PDE4D: variants seen among roughly 807,000 people sequenced by gnomAD.
The protein encoded by PDE4D is phosphodiesterase 4D, also known as 3',5'-cyclic-AMP phosphodiesterase 4D.
A neutral mutation model predicts 87.4 loss-of-function variants in PDE4D; 24 were observed. The ratio of observed to expected loss-of-function variants is 0.27; its 90% CI spans 0.20 to 0.39. The LOEUF (loss-of-function observed/expected upper bound fraction) is 0.39. PDE4D is among the 10% of genes least tolerant of loss of function. The pLI is 1.00. For synonymous variants in PDE4D, 384 were observed against 383.2 expected, an observed-to-expected ratio of 1.00 and a Z score of -0.02; for missense variants, 714 against 1,041.0, an observed-to-expected ratio of 0.69 and a Z score of 4.32.
intron 1 of PDE4D, among the ~76,000 whole-genome samples, chr5:59,303,579 T>C (rs1016222287): frequency 3.9e-5 from 6 of 152,084 alleles, no homozygotes; most frequent in African/African-American, 7.2e-5. Context: ...CGGTGAGAGA[T>C]AGGATCTAGT....
intron 2 of PDE4D, among the ~76,000 whole-genome samples, chr5:60,093,966 G>GT (rs1334572869): frequency 6.6e-6 from 1 of 152,066 alleles, no homozygotes; most frequent in Non-Finnish European, 1.5e-5. Flanking sequence ...TAAGTTTTGA[G>GT]TTTTTTCCTA....
At chr5:59,839,943 T>C (rs988347055) in intron 1 of PDE4D, among the ~76,000 whole-genome samples, 1 of 152,050 alleles carries the variant, frequency 6.6e-6, no homozygotes, top group Non-Finnish European at 1.5e-5. Flanking sequence ...AGATGGGTAT[T>C]GAAATACTGT....
At position 60,190,899 on chromosome 5, in the gene PDE4D, T is replaced by C. The variant is rs74407247; in HGVS notation, c.-89-5212A>G. On this transcript the variant is annotated intron_variant, in intron 1 of 16. Coordinates refer to the PDE4D transcript ENST00000502484. ...ATGTGTTTCAACTAGAAGAGTCAAG[T>C]GATCTGTGATTTGCATGCTTAATTT... Among the ~76,000 whole-genome samples the C allele has an allele frequency of 3.6e-4, 55 of 152,298 alleles. 1 individual carries two copies. The East Asian group carries it at 0.01, about 28-fold the overall frequency.
At chr5:59,981,476 A>G (rs1761928656) in intron 3 of PDE4D, among the ~76,000 whole-genome samples, 1 of 152,194 alleles carries the variant, frequency 6.6e-6, no homozygotes, top group Admixed American at 6.5e-5. Flanking sequence ...CTTCAAGATT[A>G]TTGGAAGTAT....
At chr5:59,351,011 C>T (rs1363083981) in intron 1 of PDE4D, among the ~76,000 whole-genome samples, 1 of 151,974 alleles carries the variant, frequency 6.6e-6, no homozygotes, top group African/African-American at 2.4e-5. Flanking sequence ...AGAGTGGTAC[C>T]AATGATGATA....
intron 2 of PDE4D, among the ~76,000 whole-genome samples, chr5:60,119,418 C>T (rs1411487249): frequency 6.6e-6 from 1 of 152,158 alleles, no homozygotes; most frequent in Non-Finnish European, 1.5e-5. Context: ...ATCTTTCCTC[C>T]AGTGAATGTG....
intron 2 of PDE4D, among the ~76,000 whole-genome samples, chr5:59,203,650 T>C (rs750729364): frequency 2.6e-5 from 4 of 151,324 alleles, no homozygotes; most frequent in African/African-American, 9.8e-5. Context: ...CACACTAGAA[T>C]CCTACTCAGG....
chr5:59,683,979 C>A (rs1158710216), intron 1 of PDE4D, among the ~76,000 whole-genome samples: 1 of 152,124 alleles, frequency 6.6e-6, no homozygotes. Context: ...TGGCTTTAGG[C>A]CAATTTTGCA....
At chr5:60,158,795 T>C (rs970099760) in intron 2 of PDE4D, among the ~76,000 whole-genome samples, 4 of 152,134 alleles carry the variant, frequency 2.6e-5, no homozygotes, top group African/African-American at 4.8e-5. Context: ...GGTCTGGATC[T>C]CCTGACCTCG....
At chr5:59,687,308 A>T (rs2150386571) in intron 1 of PDE4D, among the ~76,000 whole-genome samples, 1 of 152,276 alleles carries the variant, frequency 6.6e-6, no homozygotes, top group African/African-American at 2.4e-5. Context: ...GAAGGAAAAA[A>T]TGTTAAGGGC....
At chr5:59,164,216 T>A (rs574798498) in intron 5 of PDE4D, among the ~76,000 whole-genome samples, 8 of 152,326 alleles carry the variant, frequency 5.3e-5, no homozygotes, top group African/African-American at 1.9e-4. Context: ...TAGTTTCTTG[T>A]GAACACAGAC....
chr5:59,258,224 A>T (rs1761341221), intron 1 of PDE4D, among the ~76,000 whole-genome samples: 1 of 151,902 alleles, frequency 6.6e-6, no homozygotes, highest in Non-Finnish European at 1.5e-5. Context: ...GACCACTCCA[A>T]CTAAAGTACA....
chr5:59,491,798 C>T (rs1050387256), intron 1 of PDE4D, among the ~76,000 whole-genome samples: 5 of 152,090 alleles, frequency 3.3e-5, no homozygotes, highest in Non-Finnish European at 4.4e-5. Context: ...TGCTCTTTAT[C>T]GCTATACTCT....
chr5:60,032,206 T>A (rs1475846526), intron 2 of PDE4D, among the ~76,000 whole-genome samples: 2 of 152,148 alleles, frequency 1.3e-5, no homozygotes, highest in Non-Finnish European at 2.9e-5. Flanking sequence ...ATGATAACCA[T>A]GATGAAGATA....
intron 1 of PDE4D, among the ~76,000 whole-genome samples, chr5:59,383,483 GC>G (rs1786318556): frequency 6.6e-6 from 1 of 152,050 alleles, no homozygotes; most frequent in Admixed American, 6.6e-5. Flanking sequence ...GAACTCCCCT[GC>G]TATTGCACTA....
rs182718422 is a variant in PDE4D, at chr5:60,390,320, G to A, written c.-90+97622C>T. Among the ~76,000 whole-genome samples, 135 of 152,302 alleles carry A rather than the reference G, an allele frequency of 8.9e-4. 1 individual carries two copies. Among genetic ancestry groups the A allele is most frequent in the South Asian group, 2.7e-3 (13 of 4,822 alleles). On this transcript the variant is annotated intron_variant, in intron 1 of 16. Transcript: ENST00000502484. The stretch of plus-strand genomic sequence containing the variant: ...CAGTAGTATATTAAATACGAGCCAC[G>A]TGCAGCAAGAAAAAGAGGCCAACCT...
intron 2 of PDE4D, among the ~76,000 whole-genome samples, chr5:60,106,554 C>T (rs1359396379): frequency 6.6e-6 from 1 of 151,972 alleles, no homozygotes; most frequent in Admixed American, 6.5e-5. Context: ...ACAGAATATA[C>T]ATTTTTTTCA....
At chr5:59,533,822 C>T (rs1814657554) in intron 1 of PDE4D, among the ~76,000 whole-genome samples, 1 of 152,010 alleles carries the variant, frequency 6.6e-6, no homozygotes. Flanking sequence ...TAGTGGATGC[C>T]CTTTTACTTT....
At chr5:59,963,695 G>C (rs1399582934) in intron 3 of PDE4D, among the ~76,000 whole-genome samples, 1 of 152,132 alleles carries the variant, frequency 6.6e-6, no homozygotes, top group African/African-American at 2.4e-5. Flanking sequence ...CTATTCCATA[G>C]TTATACAGAG....
Sources: allele counts gnomAD v4.1 joint callset (sites outside exome capture counted in the v4.1 genomes callset), GRCh38; gene constraint gnomAD v4.1.1; transcripts MANE v1.5; gene names NCBI Gene and HGNC (gene_info 2026-07-23, HGNC 2026-07-21).